The following TBCD variants were observed in gnomAD, a reference collection of about 807,000 sequenced individuals.
TBCD encodes the protein tubulin folding cofactor D, also known as tubulin-specific chaperone D.
A neutral mutation model predicts 169.3 loss-of-function variants in TBCD; 105 were observed. The observed-to-expected ratio is 0.62, with a 90% CI of 0.53 to 0.73. The LOEUF (loss-of-function observed/expected upper bound fraction) is 0.73. Ranked by LOEUF, TBCD falls within the 30% of genes least tolerant of loss-of-function variation. The pLI is 0.00. For missense variants in TBCD, 1,444 were observed against 1,600.1 expected, an observed-to-expected ratio of 0.90 and a Z score of 1.66; for synonymous variants, 700 against 643.9, an observed-to-expected ratio of 1.09 and a Z score of -1.32.
intron 12 of TBCD, among the ~76,000 whole-genome samples, chr17:82,813,851 C>T (rs931415063): frequency 1.3e-5 from 2 of 152,164 alleles, no homozygotes; most frequent in African/African-American, 4.8e-5. Flanking sequence ...CGCTGGTGGA[C>T]GCTGGTGTCT....
intron 13 of TBCD, among the ~76,000 whole-genome samples, chr17:82,860,228 G>GC (rs1393185401): frequency 1.3e-5 from 2 of 152,240 alleles, no homozygotes; most frequent in African/African-American, 4.8e-5. Flanking sequence ...CGTTCCGAGT[G>GC]CCAGCGCACA....
At chr17:82,942,269 A>G (rs944163901) in intron 38 of TBCD, 180 bp from the exon 39 acceptor site, 2 of 750,866 alleles carry the variant, frequency 2.7e-6, no homozygotes, top group Non-Finnish European at 4.3e-6. Context: ...AGGACACGTT[A>G]GTCATGAGCA....
intron 2 of TBCD, among the ~76,000 whole-genome samples, chr17:82,763,065 C>T (rs1404975080): frequency 1.3e-5 from 2 of 152,112 alleles, no homozygotes; most frequent in African/African-American, 2.4e-5. Context: ...CTAAATGTCA[C>T]GTAAGTAAGG....
intron 14 of TBCD, 91 bp downstream of exon 14, chr17:82,870,471 G>C (rs562864018): frequency 6.8e-7 from 1 of 1,463,248 alleles, no homozygotes; most frequent in South Asian, 1.3e-5. Context: ...CACAGCAGAT[G>C]CTCGTGAAAA....
chr17:82,860,825 G>A (rs901946063), intron 13 of TBCD, among the ~76,000 whole-genome samples: 5 of 152,322 alleles, frequency 3.3e-5, no homozygotes, highest in South Asian at 2.1e-4. Flanking sequence ...TCTCTGCCCC[G>A]CCCCTGAGGG....
At chr17:82,936,286 T>C (rs1308192096) in intron 34 of TBCD, among the ~76,000 whole-genome samples, 1 of 152,270 alleles carries the variant, frequency 6.6e-6, no homozygotes, top group Admixed American at 6.5e-5. Flanking sequence ...TGTGGAATTC[T>C]TATTGTGGAG....
chr17:82,808,127 G>T (rs938399327), intron 11 of TBCD, among the ~76,000 whole-genome samples: 2 of 152,164 alleles, frequency 1.3e-5, no homozygotes, highest in African/African-American at 4.8e-5. Flanking sequence ...AGGCCTCAGT[G>T]GAGGTCGTGG....
intron 12 of TBCD, among the ~76,000 whole-genome samples, chr17:82,812,426 TCAAAC>T (rs2051514697): frequency 6.6e-6 from 1 of 152,016 alleles, no homozygotes; most frequent in Non-Finnish European, 1.5e-5. Flanking sequence ...CATTCAAAAG[TCAAAC>T]CAAAGGGAAG....
At position 82,832,577 on chromosome 17, in the gene TBCD, A is replaced by G. The variant is rs74002540; in HGVS notation, c.1318+17643A>G. On this transcript the variant is annotated intron_variant, in intron 13 of 38. Coordinates refer to ENST00000355528, the MANE Select transcript of TBCD (RefSeq NM_005993.5). This position sits in a 1 kb window ranked among gnomAD's most constrained non-coding sequence, Gnocchi z 4.9. ...GCTTTCTTTCCCGATCACTTCTATCAGAAGCCAGCTCTGCGTGCTGAGGGT... is the reference window on the plus strand; with the variant it reads ...GCTTTCTTTCCCGATCACTTCTATCGGAAGCCAGCTCTGCGTGCTGAGGGT... 2,509 of 854,054 alleles carry G rather than the reference A, an allele frequency of 2.9e-3. 38 individuals carry two copies. The African/African-American group carries it at 0.036, about 12-fold the overall frequency. 52.9% of individuals were successfully genotyped at this position (854,054 alleles called of 1,614,324 possible). A position where few individuals can be genotyped will look rare whatever the true frequency, so the allele number is the denominator to read the frequency against.
chr17:82,881,701 T>G (rs1236470442), intron 14 of TBCD, among the ~76,000 whole-genome samples: 1 of 152,232 alleles, frequency 6.6e-6, no homozygotes, highest in Non-Finnish European at 1.5e-5. Flanking sequence ...TGAGCTTGAT[T>G]GGGGTGGAAA....
chr17:82,778,132 A>G (rs1378750994), intron 6 of TBCD, among the ~76,000 whole-genome samples: 1 of 152,186 alleles, frequency 6.6e-6, no homozygotes, highest in Non-Finnish European at 1.5e-5. Flanking sequence ...GGAATAAAGA[A>G]TAATTGCTAC....
At chr17:82,925,180 C>A in intron 27 of TBCD, 123 bp downstream of exon 27, 2 of 799,812 alleles carry the variant, frequency 2.5e-6, no homozygotes, top group East Asian at 2.8e-5. Context: ...GGAGGGGGTT[C>A]CTGGAAACCG....
At chr17:82,775,182 C>T (rs948664344) in intron 6 of TBCD, among the ~76,000 whole-genome samples, 4 of 152,218 alleles carry the variant, frequency 2.6e-5, no homozygotes, top group Admixed American at 2.6e-4. Flanking sequence ...AGGTGCTTTT[C>T]GGCCGAGCCA....
intron 7 of TBCD, among the ~76,000 whole-genome samples, chr17:82,792,357 G>A (rs1035929697): frequency 3.4e-5 from 5 of 145,738 alleles, no homozygotes; most frequent in Middle Eastern, 3.6e-3. Context: ...ATACATGTGT[G>A]CACACACACA....
At chr17:82,911,816 C>T in intron 23 of TBCD, 27 bp downstream of exon 23, 2 of 1,613,350 alleles carry the variant, frequency 1.2e-6, no homozygotes, top group Non-Finnish European at 1.7e-6. Context: ...TTGCAGCCCT[C>T]TGCAGCCCTT....
intron 13 of TBCD, among the ~76,000 whole-genome samples, chr17:82,844,755 G>A (rs981880789): frequency 1.7e-4 from 26 of 151,958 alleles, no homozygotes; most frequent in Non-Finnish European, 1.9e-4. Flanking sequence ...AACCCCCTGT[G>A]TTACTCAGAA....
chr17:82,881,300 T>C (rs1159245692), intron 14 of TBCD, among the ~76,000 whole-genome samples: 4 of 152,334 alleles, frequency 2.6e-5, no homozygotes, highest in Middle Eastern at 3.4e-3. Context: ...AGATAAACGC[T>C]TTATCCACTG....
At chr17:82,778,462 T>C (rs2048737126) in intron 6 of TBCD, among the ~76,000 whole-genome samples, 1 of 152,140 alleles carries the variant, frequency 6.6e-6, no homozygotes, top group Admixed American at 6.5e-5. Flanking sequence ...TTCTTTTTTC[T>C]TTCCTTTTCT....
At position 82,831,637 on chromosome 17, in the gene TBCD, A is replaced by G. The variant is rs1366557080; in HGVS notation, c.1318+16703A>G. On this transcript the variant is annotated intron_variant, in intron 13 of 38. Coordinates refer to ENST00000355528, the MANE Select transcript of TBCD (RefSeq NM_005993.5). The surrounding 1 kb of genome is among the most constrained non-coding windows in gnomAD (Gnocchi z 4.6). ...CGGGTCTTGGGTTCCGTAGACTGAC[A>G]GCAGGGGTGCGTCACACTCAGGCGA... The G allele has an allele frequency of 6.2e-7, 1 of 1,614,142 alleles. No individual in the cohort carries two copies. Among genetic ancestry groups the G allele is most frequent in the South Asian group, 1.1e-5 (1 of 91,078 alleles).
Sources: gnomAD v4.1 joint callset for allele counts (sites outside exome capture counted in the v4.1 genomes callset) on GRCh38, gnomAD v4.1.1 for gene constraint, Gnocchi (gnomAD v3.1) non-coding constraint, MANE v1.5 for transcripts, NCBI Gene and HGNC (gene_info 2026-07-23, HGNC 2026-07-21) for gene names.